Variants in CDIN1 observed in about 807,000 individuals in gnomAD.
CDIN1 encodes the protein CDAN1 interacting nuclease 1.
A neutral mutation model predicts 45.3 loss-of-function variants in CDIN1; 33 were observed. The ratio of observed to expected loss-of-function variants is 0.73; its 90% confidence interval spans 0.55 to 0.97. The LOEUF (loss-of-function observed/expected upper bound fraction) is 0.97. Among genes scored for constraint, CDIN1 ranks in the 50% least tolerant of loss-of-function variants. The pLI is 0.00. For missense variants in CDIN1, 303 were observed against 339.4 expected (o/e 0.89, Z 0.84); for synonymous variants, 118 against 124.4 (o/e 0.95, Z 0.34).
chr15:36,763,360 T>C (rs2053827232), intron 10 of CDIN1, among the ~76,000 whole-genome samples: 1 of 152,162 alleles, frequency 6.6e-6, no homozygotes, highest in African/African-American at 2.4e-5. Flanking sequence ...TGTAAATTTG[T>C]TTGAGTTGCC....
chr15:36,756,043 A>G, intron 10 of CDIN1: 1 of 455,990 alleles, frequency 2.2e-6, no homozygotes, highest in Non-Finnish European at 4.4e-6. Context: ...AGAAGCGTTG[A>G]TGCCTTTATT....
chr15:36,754,338 G>A (rs1315376972), intron 10 of CDIN1, among the ~76,000 whole-genome samples: 1 of 152,052 alleles, frequency 6.6e-6, no homozygotes, highest in Non-Finnish European at 1.5e-5. Flanking sequence ...GAATTATAAG[G>A]CTGTTAATGT....
chr15:36,728,818 C>T (rs192831095), intron 10 of CDIN1, among the ~76,000 whole-genome samples: 1 of 152,110 alleles, frequency 6.6e-6, no homozygotes, highest in African/African-American at 2.4e-5. Flanking sequence ...GGACTATAGA[C>T]GCGTGCCACC....
At chr15:36,801,134 A>G (rs74933192) in intron 10 of CDIN1, among the ~76,000 whole-genome samples, 15,729 of 151,096 alleles carry the variant, frequency 0.1, 1,036 homozygotes, top group African/African-American at 0.18. Context: ...TGTTTGTTTC[A>G]TTGACTAGAT....
At chr15:36,766,382 T>G (rs1370541031) in intron 10 of CDIN1, among the ~76,000 whole-genome samples, 1 of 152,226 alleles carries the variant, frequency 6.6e-6, no homozygotes, top group East Asian at 1.9e-4. Context: ...TGCAGATATC[T>G]CTTCAAGATC....
In CDIN1 at chr15:36,701,098, G is replaced by GTAGA. The variant is rs1427734437; in HGVS notation, c.544+3724_544+3727dup. 3.4e-3 allele frequency among the ~76,000 whole-genome samples: 483 copies of GTAGA among 143,254 alleles called. 10 individuals carry two copies. In the South Asian group the frequency reaches 0.051, roughly 15 times the overall value. 94.0% of individuals were successfully genotyped at this position (143,254 alleles called of 152,430 possible). On this transcript the variant is annotated intron_variant, in intron 8 of 10. Coordinates refer to ENST00000566621, the MANE Select transcript of CDIN1 (RefSeq NM_001321759.2). ...CTAAAATAGGTAGGTAGGTAGGTAG[G>GTAGA]TAGATAGATAGATAGATAGGTAGGT...
At chr15:36,615,595 A>G (rs1392891528) in intron 1 of CDIN1, among the ~76,000 whole-genome samples, 1 of 152,220 alleles carries the variant, frequency 6.6e-6, no homozygotes, top group East Asian at 1.9e-4. Flanking sequence ...TTAAATTTCA[A>G]CATGAGACTT....
chr15:36,739,879 T>G (rs1367541162), intron 10 of CDIN1, among the ~76,000 whole-genome samples: 2 of 152,238 alleles, frequency 1.3e-5, no homozygotes, highest in Admixed American at 1.3e-4. Flanking sequence ...GAAAAATTAG[T>G]ATTCTGAATG....
rs75984807 is a variant in CDIN1, at chr15:36,802,242, T to C, written c.717-6082T>C. Reference sequence around the variant, plus strand: ...TCATAGGGTGGCAGTGAGTACCAAATTAGTCTGTACATGTAAAAGTTCTTG... The same window carrying C: ...TCATAGGGTGGCAGTGAGTACCAAACTAGTCTGTACATGTAAAAGTTCTTG... On this transcript the variant is annotated intron_variant, in intron 10 of 10. Transcript: ENST00000566621. Among the ~76,000 whole-genome samples, 320 of 152,264 alleles carry C rather than the reference T, an allele frequency of 2.1e-3. No individual in the cohort carries two copies. In the Middle Eastern group the frequency reaches 0.031, roughly 15 times the overall value.
intron 1 of CDIN1, among the ~76,000 whole-genome samples, chr15:36,601,912 CATTAA>C: frequency 6.6e-6 from 1 of 152,202 alleles, no homozygotes; most frequent in Non-Finnish European, 1.5e-5. Flanking sequence ...ATCACTGAAT[CATTAA>C]CTTGCACCAT....
chr15:36,746,290 A>C (rs1985983), intron 10 of CDIN1, among the ~76,000 whole-genome samples: 126,858 of 152,006 alleles, frequency 0.83, 53,370 homozygotes, highest in East Asian at 1. Context: ...AGTAGAGAGA[A>C]AGAGGAAGGA....
At chr15:36,752,582 C>T (rs749503451) in intron 10 of CDIN1, among the ~76,000 whole-genome samples, 2 of 152,196 alleles carry the variant, frequency 1.3e-5, no homozygotes, top group Non-Finnish European at 2.9e-5. Context: ...TAAGTGATCC[C>T]AAGTTAATGC....
chr15:36,680,210 T>C (rs1196288380), intron 5 of CDIN1, among the ~76,000 whole-genome samples: 1 of 152,156 alleles, frequency 6.6e-6, no homozygotes, highest in Non-Finnish European at 1.5e-5. Flanking sequence ...GGCAGGTCCT[T>C]AGTAGTAGTT....
intron 1 of CDIN1, among the ~76,000 whole-genome samples, chr15:36,595,926 G>A (rs1490408111): frequency 6.6e-6 from 1 of 152,170 alleles, no homozygotes; most frequent in Non-Finnish European, 1.5e-5. Context: ...ACAGTCAGCG[G>A]TGCCCACCGA....
At chr15:36,743,380 C>T (rs2044306249) in intron 10 of CDIN1, among the ~76,000 whole-genome samples, 1 of 152,156 alleles carries the variant, frequency 6.6e-6, no homozygotes, top group South Asian at 2.1e-4. Flanking sequence ...GCTACCTGTA[C>T]CAAAACACAC....
At chr15:36,604,274 CTTT>C (rs34347558) in intron 1 of CDIN1, among the ~76,000 whole-genome samples, 4 of 148,070 alleles carry the variant, frequency 2.7e-5, no homozygotes, top group African/African-American at 1.0e-4. Context: ...AGCCACCTGG[CTTT>C]TTTTTTTTTA....
chr15:36,662,581 T>G (rs1215827055), intron 5 of CDIN1, among the ~76,000 whole-genome samples: 1 of 152,070 alleles, frequency 6.6e-6, no homozygotes, highest in Non-Finnish European at 1.5e-5. Flanking sequence ...CAGTAGGTGT[T>G]TAGATCTGAT....
chr15:36,726,812 C>T (rs1246211188), intron 10 of CDIN1, among the ~76,000 whole-genome samples: 1 of 151,598 alleles, frequency 6.6e-6, no homozygotes, highest in Non-Finnish European at 1.5e-5. Flanking sequence ...TGTAGTAGAG[C>T]CCAGTATAAG....
intron 10 of CDIN1, among the ~76,000 whole-genome samples, chr15:36,805,142 T>G (rs141606207): frequency 1.3e-5 from 2 of 152,350 alleles, no homozygotes; most frequent in Admixed American, 6.5e-5. Context: ...CAAAATTACT[T>G]ATTCAAACGT....
Sources: gnomAD v4.1 joint callset for allele counts (sites outside exome capture counted in the v4.1 genomes callset) on GRCh38, gnomAD v4.1.1 for gene constraint, MANE v1.5 for transcripts, NCBI Gene and HGNC (gene_info 2026-07-23, HGNC 2026-07-21) for gene names.